The following ADGRL1 variants were observed in gnomAD, a reference collection of about 807,000 sequenced individuals.
ADGRL1 encodes the protein CIRL-1.
In ADGRL1, 31 loss-of-function variants were observed where a neutral mutation model predicts 148.9. That is an observed-to-expected ratio of 0.21 (90% CI 0.16 to 0.28). ADGRL1 has a LOEUF of 0.28. Among genes scored for constraint, ADGRL1 ranks in the 10% least tolerant of loss-of-function variants. The pLI is 1.00. For missense variants in ADGRL1, 1,521 were observed against 2,058.8 expected (o/e 0.74, Z 5.05); for synonymous variants, 937 against 900.3 (o/e 1.04, Z -0.73).
At position 14,162,583 on chromosome 19, in the gene ADGRL1, G is replaced by A; in HGVS notation, c.1195+23C>T. ...GGGGACAAAGGCAAGCAGGCTCCAT[G>A]CCTGGAAGTGAGTCGTCCTCACCAG... On this transcript the variant is annotated intron_variant, in intron 5 of 22. Coordinates refer to ENST00000361434, the MANE Select transcript of ADGRL1 (RefSeq NM_014921.5). The surrounding 1 kb of genome is among the most constrained non-coding windows in gnomAD (Gnocchi z 5.4). The A allele has an allele frequency of 6.3e-7, 1 of 1,579,480 alleles. No homozygotes were observed. Among genetic ancestry groups the A allele is most frequent in the Non-Finnish European group, 8.6e-7 (1 of 1,158,764 alleles).
In ADGRL1 at chr19:14,160,039, G is replaced by T; in HGVS notation, c.1800+73C>A. 6.8e-7 allele frequency: 1 copy of T among 1,462,792 alleles called. No homozygotes were observed. The highest frequency in any genetic ancestry group is 1.3e-5 in the South Asian group (1 of 76,262). The allele number at this position is 1,462,792 out of a possible 1,614,324, so 90.6% of individuals were successfully genotyped here. A position where few individuals can be genotyped will look rare whatever the true frequency, so the allele number is the denominator to read the frequency against. On this transcript the variant is annotated intron_variant, in intron 8 of 22. Coordinates refer to ENST00000361434, the MANE Select transcript of ADGRL1 (RefSeq NM_014921.5). The surrounding 1 kb of genome is among the most constrained non-coding windows in gnomAD (Gnocchi z 5.9). ...GTGGCAGCCTGGCTGGGAGGTACCA[G>T]GTCAGGTACTTCCCAAGCCCCTGGG...
Position 14,192,204 on chromosome 19 carries a change from T to C in ADGRL1, c.-95-8507A>G, listed in dbSNP as rs1971988351. Among the ~76,000 whole-genome samples, 7 of 151,604 alleles carry C rather than the reference T, an allele frequency of 4.6e-5. No homozygotes were observed. In the Admixed American group the frequency reaches 4.6e-4, roughly 10 times the overall value. Reference sequence around the variant, plus strand: ...CCATCCCATCCCTGCTCCATACTTTTACTTGACCACTCCTAGAGTTCCTTT... The same window carrying C: ...CCATCCCATCCCTGCTCCATACTTTCACTTGACCACTCCTAGAGTTCCTTT... On this transcript the variant is annotated intron_variant, in intron 1 of 22. Coordinates refer to ENST00000361434, the MANE Select transcript of ADGRL1 (RefSeq NM_014921.5).
At position 14,183,257 on chromosome 19, in the gene ADGRL1, A is replaced by C. The variant is rs1011549278; in HGVS notation, c.70+276T>G. 1.9e-4 allele frequency among the ~76,000 whole-genome samples: 28 copies of C among 147,076 alleles called. 1 individual carries two copies. Among genetic ancestry groups the C allele is most frequent in the Middle Eastern group, 3.6e-3 (1 of 278 alleles). On this transcript the variant is annotated intron_variant, in intron 2 of 22. Transcript: ENST00000361434. Reference sequence around the variant, plus strand: ...AGAGAGGAGCATCGGCTCACCAAGAAGGCCTGTCCTGGTCCCAGGGGCCAC... The same window carrying C: ...AGAGAGGAGCATCGGCTCACCAAGACGGCCTGTCCTGGTCCCAGGGGCCAC...
At chr19:14,179,861 T>A (rs1282740375) in intron 2 of ADGRL1, among the ~76,000 whole-genome samples, 1 of 151,714 alleles carries the variant, frequency 6.6e-6, no homozygotes, top group Non-Finnish European at 1.5e-5. Context: ...AGTGATGGCA[T>A]GCAGAGATCA....
chr19:14,175,348 GAC>G (rs966795811), intron 3 of ADGRL1, among the ~76,000 whole-genome samples: 22 of 150,518 alleles, frequency 1.5e-4, no homozygotes, highest in African/African-American at 4.7e-4. Flanking sequence ...TCTGCCCACA[GAC>G]ACAGTTAAAT....
intron 1 of ADGRL1, among the ~76,000 whole-genome samples, chr19:14,188,882 T>C (rs1971752604): frequency 6.6e-6 from 1 of 152,086 alleles, no homozygotes; most frequent in African/African-American, 2.4e-5. Context: ...CAAGTGATTC[T>C]CCTGCCTCAG....
rs1350646341 is a variant in ADGRL1 at position 14,170,767 on chromosome 19, C to T, written c.309G>A (p.Val103=). 6.2e-7 allele frequency: 1 copy of T among 1,609,894 alleles called. No individual in the cohort carries two copies. The part of the protein sequence containing the change: ...SQRCNNRTQC[V]VVAGSDAFPD... ...GAAAGGCATCCGAGCCGGCGACCAC[C>T]ACGCACTGGGTGCGGTTGTTACACC... Residue 103 remains valine, a synonymous_variant, in exon 4 of 23, where the codon GTG becomes GTA. Transcript: ENST00000361434.
rs1968153149 is a variant in ADGRL1 at position 14,151,261 on chromosome 19, A to G, written c.4022T>C (p.Leu1341Pro). 2 of 1,611,940 alleles carry G rather than the reference A, an allele frequency of 1.2e-6. No homozygotes were observed. The highest frequency in any genetic ancestry group is 1.7e-5 in the Admixed American group (1 of 59,982). ...GTACAGCACCGACTGGGCCCGGGGC[A>G]GCAGCAGAGGCTCCTCCAGGGCCTT... The part of the protein sequence containing the change: ...LYKALEEPLL[L>P]PRAQSVLYQS... Residue 1341 changes from leucine to proline, a missense_variant, in exon 23 of 23, where the codon CTG becomes CCG. By Grantham distance (98) the Leu-to-Pro change is moderately conservative (BLOSUM62 -3). Around this residue, in one of 8 missense-constraint regions of ADGRL1, gnomAD observed 390 missense variants for 375.0 expected, o/e 1.04. Coordinates refer to ENST00000361434, the MANE Select transcript of ADGRL1 (RefSeq NM_014921.5).
At chr19:14,167,248 T>G (rs1599440435) in intron 4 of ADGRL1, among the ~76,000 whole-genome samples, 2 of 148,218 alleles carry the variant, frequency 1.3e-5, no homozygotes, top group Admixed American at 6.7e-5. Context: ...TCAGGTGGGG[T>G]GAGAGGGTGC....
intron 12 of ADGRL1, 94 bp from the exon 13 acceptor site, chr19:14,158,146 G>A: frequency 7.2e-7 from 1 of 1,393,482 alleles, no homozygotes; most frequent in South Asian, 1.3e-5. Flanking sequence ...ATGGTACCAA[G>A]TATCAAAGAA....
chr19:14,158,147 T>C lies in ADGRL1; in HGVS notation c.2365-95A>G, dbSNP rs1466347542. ...ACCTGGCAACAGGGATGGTACCAAG[T>C]ATCAAAGAAGTGCCTGGGGTCTGGG... On this transcript the variant is annotated intron_variant, in intron 12 of 22. Coordinates refer to ENST00000361434, the MANE Select transcript of ADGRL1 (RefSeq NM_014921.5). 1.2e-5 allele frequency: 16 copies of C among 1,389,634 alleles called. No homozygotes were observed. The African/African-American group carries it at 1.7e-4, about 15-fold the overall frequency. 86.1% of individuals were successfully genotyped at this position (1,389,634 alleles called of 1,614,324 possible).
At chr19:14,175,855 G>C (rs995713112) in intron 3 of ADGRL1, among the ~76,000 whole-genome samples, 2 of 151,958 alleles carry the variant, frequency 1.3e-5, no homozygotes, top group Middle Eastern at 3.2e-3. Flanking sequence ...AGGAGTTCAA[G>C]ACCAACCTGG....
chr19:14,183,649 G>T lies in ADGRL1; in HGVS notation c.-47C>A, dbSNP rs1030358104. ...CGGAGCTCTCAGTGGCCTGTGCGGG[G>T]GGCTTTGCCCCACATCACCTGGCAG... On this transcript the variant is annotated 5_prime_UTR_variant, in exon 2 of 23. Transcript: ENST00000361434. 11 of 1,512,406 alleles carry T rather than the reference G, an allele frequency of 7.3e-6. No individual in the cohort carries two copies. In the African/African-American group the frequency reaches 1.2e-4, roughly 17 times the overall value. The allele number at this position is 1,512,406 out of a possible 1,614,324, so 93.7% of individuals were successfully genotyped here. A position where few individuals can be genotyped will look rare whatever the true frequency, so the allele number is the denominator to read the frequency against.
At chr19:14,205,325 C>G (rs1972915703) in intron 1 of ADGRL1, among the ~76,000 whole-genome samples, 1 of 152,046 alleles carries the variant, frequency 6.6e-6, no homozygotes, top group Admixed American at 6.5e-5. Flanking sequence ...GTGCTTTAAC[C>G]CGGCACCACG....
At chr19:14,170,829 T>C (rs372067354) in intron 3 of ADGRL1, 38 bp from the exon 4 acceptor site, 21 of 809,058 alleles carry the variant, frequency 2.6e-5, no homozygotes, top group South Asian at 1.6e-4. Context: ...AAGAAACACA[T>C]AGACGGGGTG....
intron 1 of ADGRL1, among the ~76,000 whole-genome samples, chr19:14,185,944 G>A (rs1971547309): frequency 6.6e-6 from 1 of 152,208 alleles, no homozygotes; most frequent in African/African-American, 2.4e-5. Context: ...CACATGGCTG[G>A]CTCCTTCAGG....
At chr19:14,167,933 C>T (rs1970138310) in intron 4 of ADGRL1, among the ~76,000 whole-genome samples, 1 of 152,172 alleles carries the variant, frequency 6.6e-6, no homozygotes. Flanking sequence ...TGCGGACGGG[C>T]GGCACCTAGG....
intron 2 of ADGRL1, among the ~76,000 whole-genome samples, chr19:14,182,464 G>A (rs1349396713): frequency 1.3e-5 from 2 of 152,190 alleles, no homozygotes; most frequent in African/African-American, 2.4e-5. Flanking sequence ...GGTTTCGGGA[G>A]GGCACTCGTG....
intron 1 of ADGRL1, among the ~76,000 whole-genome samples, chr19:14,184,193 T>C (rs1248884833): frequency 6.6e-6 from 1 of 152,130 alleles, no homozygotes; most frequent in Non-Finnish European, 1.5e-5. Flanking sequence ...TGGTGGCTAA[T>C]TAGAATCCAG....
Sources: gnomAD v4.1 joint callset for allele counts (sites outside exome capture counted in the v4.1 genomes callset) on GRCh38, gnomAD v4.1.1 for gene constraint, gnomAD v4.1.1 regional missense constraint, Gnocchi (gnomAD v3.1) non-coding constraint, MANE v1.5 for transcripts, NCBI Gene and HGNC (gene_info 2026-07-23, HGNC 2026-07-21) for gene names.